Variants in TAFA1 observed in about 807,000 individuals in gnomAD.
TAFA1 encodes TAFA chemokine like family member 1.
In TAFA1, 4 loss-of-function variants were observed where a neutral mutation model predicts 18.5. The ratio of observed to expected loss-of-function variants is 0.22; its 90% CI spans 0.11 to 0.49. The LOEUF is 0.49. Among genes scored for constraint, TAFA1 ranks in the 20% least tolerant of loss-of-function variants. TAFA1 has a pLI of 0.98. For missense variants in TAFA1, 147 were observed against 169.0 expected (o/e 0.87, Z 0.72); for synonymous variants, 56 against 55.2 (o/e 1.01, Z -0.06).
intron 2 of TAFA1, among the ~76,000 whole-genome samples, chr3:68,348,181 C>G (rs1438908964): frequency 6.6e-6 from 1 of 152,170 alleles, no homozygotes; most frequent in Non-Finnish European, 1.5e-5. Context: ...AGTTACTTAA[C>G]TGCTCTATAC....
At chr3:68,385,871 G>A (rs1376761128) in intron 2 of TAFA1, among the ~76,000 whole-genome samples, 2 of 152,064 alleles carry the variant, frequency 1.3e-5, no homozygotes, top group Non-Finnish European at 2.9e-5. Flanking sequence ...CATGCAGTGA[G>A]CAAATCAGGG....
chr3:68,516,749 G>GTACAGGTGACAC (rs1300260657), intron 3 of TAFA1, among the ~76,000 whole-genome samples: 1 of 152,106 alleles, frequency 6.6e-6, no homozygotes, highest in Non-Finnish European at 1.5e-5. Context: ...ACACCAAATA[G>GTACAGGTGACAC]CAACTGAAGT....
At chr3:68,439,428 T>TACATACATAC in intron 3 of TAFA1, among the ~76,000 whole-genome samples, 1 of 133,902 alleles carries the variant, frequency 7.5e-6, no homozygotes, top group Admixed American at 7.6e-5. Flanking sequence ...TATATATATA[T>TACATACATAC]ATATATATAT....
chr3:68,360,160 T>A (rs2069443066), intron 2 of TAFA1, among the ~76,000 whole-genome samples: 1 of 151,984 alleles, frequency 6.6e-6, no homozygotes. Context: ...TGCCTCCTCA[T>A]GCTAAATGTC....
At chr3:68,083,289 A>T (rs576514992) in intron 2 of TAFA1, among the ~76,000 whole-genome samples, 7 of 152,196 alleles carry the variant, frequency 4.6e-5, no homozygotes, top group Non-Finnish European at 8.8e-5. Flanking sequence ...TTAACTTCTA[A>T]GTAGTTAAAT....
intron 2 of TAFA1, among the ~76,000 whole-genome samples, chr3:68,126,959 T>G (rs2065471639): frequency 6.6e-6 from 1 of 152,226 alleles, no homozygotes; most frequent in Non-Finnish European, 1.5e-5. Flanking sequence ...GTTTAGAGCA[T>G]TTAATCTGCA....
intron 3 of TAFA1, among the ~76,000 whole-genome samples, chr3:68,418,607 ATG>A (rs1171003568): frequency 1.8e-5 from 2 of 109,766 alleles, no homozygotes; most frequent in African/African-American, 3.6e-5. Context: ...GTCACAGGGG[ATG>A]TGATGGCTTG....
intron 2 of TAFA1, among the ~76,000 whole-genome samples, chr3:68,410,229 T>G (rs9830713): frequency 6.6e-6 from 1 of 151,930 alleles, no homozygotes; most frequent in Non-Finnish European, 1.5e-5. Context: ...AAAAGAGCAG[T>G]TGGGAAACTA....
chr3:68,208,016 A>C (rs1235002817), intron 2 of TAFA1, among the ~76,000 whole-genome samples: 1 of 151,936 alleles, frequency 6.6e-6, no homozygotes, highest in Admixed American at 6.6e-5. Context: ...AAGACCCTTC[A>C]CTGTTTTGCT....
chr3:68,026,153 T>A (rs1282515205), intron 2 of TAFA1, among the ~76,000 whole-genome samples: 1 of 152,068 alleles, frequency 6.6e-6, no homozygotes, highest in Non-Finnish European at 1.5e-5. Flanking sequence ...AGCTCTTTGC[T>A]AAAAATGAAA....
intron 2 of TAFA1, among the ~76,000 whole-genome samples, chr3:68,108,014 A>G (rs1367574701): frequency 6.6e-6 from 1 of 152,150 alleles, no homozygotes; most frequent in Non-Finnish European, 1.5e-5. Context: ...GAGGAAGTGC[A>G]GAAAATGACA....
chr3:67,995,509 C>G, the TAFA1 span, among the ~76,000 whole-genome samples: 1 of 152,148 alleles, frequency 6.6e-6, no homozygotes, highest in African/African-American at 2.4e-5. Flanking sequence ...CTTGAACTCC[C>G]TTTTATAATT....
chr3:68,102,430 G>T (rs1173629699), intron 2 of TAFA1, among the ~76,000 whole-genome samples: 1 of 152,010 alleles, frequency 6.6e-6, no homozygotes, highest in African/African-American at 2.4e-5. Flanking sequence ...TATGTATATA[G>T]CAAGATTTTT....
At chr3:68,433,436 C>T (rs1258899443) in intron 3 of TAFA1, among the ~76,000 whole-genome samples, 1 of 152,072 alleles carries the variant, frequency 6.6e-6, no homozygotes, top group Non-Finnish European at 1.5e-5. Context: ...TCTAAGTCCT[C>T]CTGTTGTTGG....
At chr3:68,086,872 T>C (rs543148709) in intron 2 of TAFA1, among the ~76,000 whole-genome samples, 1 of 152,310 alleles carries the variant, frequency 6.6e-6, no homozygotes, top group African/African-American at 2.4e-5. Flanking sequence ...AAAAAGAATC[T>C]TTCCCCTTGA....
At chr3:68,003,677 C>T (rs1048138359), upstream of TAFA1, among the ~76,000 whole-genome samples, 5 of 152,060 alleles carry the variant, frequency 3.3e-5, no homozygotes, top group African/African-American at 1.2e-4. Flanking sequence ...GTTTTCCCTC[C>T]CCACCCCAGC....
At chr3:68,385,317 C>A (rs897141366) in intron 2 of TAFA1, among the ~76,000 whole-genome samples, 1 of 152,070 alleles carries the variant, frequency 6.6e-6, no homozygotes. Context: ...AACAACATGG[C>A]GTTTCCCCAG....
rs2073440536 is a variant in TAFA1, at chr3:68,545,269, T to A, written c.*766T>A. 6.6e-6 allele frequency: 1 copy of A among 152,596 alleles called. No individual in the cohort carries two copies. The highest frequency in any genetic ancestry group is 1.5e-5 in the Non-Finnish European group (1 of 68,032). The allele number at this position is 152,596 out of a possible 1,614,324, so 9.5% of individuals were successfully genotyped here. On this transcript the variant is annotated 3_prime_UTR_variant, in exon 5 of 5. Coordinates refer to ENST00000478136, the MANE Select transcript of TAFA1 (RefSeq NM_213609.4). Reference sequence around the variant, plus strand: ...TTTCCACTTAGAAGAAAATGAGGATTCTTAAGGGAGCCACTCCACCATGCT... The same window carrying A: ...TTTCCACTTAGAAGAAAATGAGGATACTTAAGGGAGCCACTCCACCATGCT...
chr3:68,391,768 T>C (rs988897400), intron 2 of TAFA1, among the ~76,000 whole-genome samples: 2 of 152,116 alleles, frequency 1.3e-5, no homozygotes, highest in African/African-American at 4.8e-5. Flanking sequence ...CTAAGCTTTA[T>C]AAGTGAAGGA....
Sources: gnomAD v4.1 joint callset for allele counts (sites outside exome capture counted in the v4.1 genomes callset) on GRCh38, gnomAD v4.1.1 for gene constraint, MANE v1.5 for transcripts, NCBI Gene and HGNC (gene_info 2026-07-23, HGNC 2026-07-21) for gene names.